The following DAW1 variants were observed in gnomAD, a reference collection of about 807,000 sequenced individuals.
DAW1 encodes the protein dynein assembly factor with WD repeats 1, also known as dynein assembly factor with WD repeat domains 1.
Under a neutral mutation model 56.5 loss-of-function variants are expected in DAW1, and 47 were observed. The observed-to-expected ratio is 0.83, with a 90% CI of 0.66 to 1.06. The LOEUF (loss-of-function observed/expected upper bound fraction) is 1.06. DAW1 is among the 50% of genes least tolerant of loss of function. The pLI, the probability that DAW1 is intolerant of heterozygous loss-of-function variation, is 0.00. For missense variants in DAW1, 505 were observed against 499.3 expected (o/e 1.01, Z -0.11); for synonymous variants, 190 against 179.0 (o/e 1.06, Z -0.49).
At chr2:227,876,862 A>G (rs1384490005) in intron 1 of DAW1, among the ~76,000 whole-genome samples, 1 of 152,210 alleles carries the variant, frequency 6.6e-6, no homozygotes. Flanking sequence ...CAATTTTTGT[A>G]TTTCATTTAT....
chr2:227,875,073 C>G (rs1366791087), intron 1 of DAW1, among the ~76,000 whole-genome samples: 1 of 152,218 alleles, frequency 6.6e-6, no homozygotes, highest in Non-Finnish European at 1.5e-5. Flanking sequence ...CACCGTACAT[C>G]TCATGTGGGG....
At chr2:227,872,132 C>A (rs1470103388) in intron 1 of DAW1, 2 of 172,282 alleles carry the variant, frequency 1.2e-5, no homozygotes, top group Non-Finnish European at 2.4e-5. Context: ...CTAATCCTTG[C>A]CTAACTCTAA....
chr2:227,902,238 C>T (rs1346527202), intron 6 of DAW1, among the ~76,000 whole-genome samples: 3 of 152,134 alleles, frequency 2.0e-5, no homozygotes, highest in Non-Finnish European at 4.4e-5. Flanking sequence ...GGCAGGGAAG[C>T]AGGTGGTTGG....
intron 1 of DAW1, among the ~76,000 whole-genome samples, chr2:227,877,555 G>A (rs551617482): frequency 8.9e-4 from 135 of 152,232 alleles, no homozygotes; most frequent in Non-Finnish European, 1.7e-3. Flanking sequence ...CTAGATCAAT[G>A]TTACACAACC....
At position 227,903,087 on chromosome 2, in the gene DAW1, G is replaced by A; in HGVS notation, c.626G>A (p.Gly209Asp). ...GCCAAATTGTGGGACATTCAGAATG[G>A]CGAGGAAGTTTACACCTTAAGAGTA... ...TTAKLWDIQNGEEVYTLRGHS... is the reference protein window; with the variant it reads ...TTAKLWDIQNDEEVYTLRGHS... Residue 209 changes from glycine (G) to aspartate (D), a missense_variant, in exon 7 of 13, where the codon GGC (glycine) becomes GAC (aspartate). Gly to Asp is a moderately conservative substitution (Grantham distance 94). Transcript: ENST00000309931. The A allele has an allele frequency of 6.2e-7, 1 of 1,614,170 alleles. No individual in the cohort carries two copies.
At chr2:227,918,346 T>C (rs1692023640) in intron 10 of DAW1, among the ~76,000 whole-genome samples, 1 of 152,230 alleles carries the variant, frequency 6.6e-6, no homozygotes, top group African/African-American at 2.4e-5. Flanking sequence ...GTTTTTTGCC[T>C]GTTGAGTAGC....
At chr2:227,923,850 C>A in intron 12 of DAW1, 84 bp from the exon 13 acceptor site, 1 of 1,532,442 alleles carries the variant, frequency 6.5e-7, no homozygotes, top group Non-Finnish European at 8.9e-7. Flanking sequence ...TTACCAATGG[C>A]CCAGAAAATG....
chr2:227,891,219 T>C, intron 3 of DAW1, 36 bp from the exon 4 acceptor site: 1 of 1,589,478 alleles, frequency 6.3e-7, no homozygotes, highest in Non-Finnish European at 8.6e-7. Flanking sequence ...TTTAATTTGG[T>C]TTGAGTCTAA....
intron 5 of DAW1, among the ~76,000 whole-genome samples, chr2:227,896,719 A>G (rs1281020249): frequency 1.3e-5 from 2 of 152,036 alleles, no homozygotes; most frequent in African/African-American, 4.8e-5. Context: ...CTTTGACTCA[A>G]TAAAGTAATT....
intron 2 of DAW1, 97 bp from the exon 3 acceptor site, chr2:227,889,759 G>T: frequency 2.0e-6 from 2 of 1,008,956 alleles, no homozygotes; most frequent in Non-Finnish European, 2.7e-6. Context: ...TTTTATAAAT[G>T]TGCTTCATGA....
intron 1 of DAW1, among the ~76,000 whole-genome samples, chr2:227,877,720 A>G (rs1278987421): frequency 6.6e-6 from 1 of 152,160 alleles, no homozygotes; most frequent in African/African-American, 2.4e-5. Flanking sequence ...ACAGTTCACC[A>G]TAGGGTTCCT....
At position 227,891,300 on chromosome 2, in the gene DAW1, A is replaced by G. The variant is rs771799135; in HGVS notation, c.304A>G (p.Lys102Glu). The change falls in exon 4 of 13, where the codon AAA (lysine) becomes GAA (glutamate). Residue 102 changes from lysine (K) to glutamate (E), a missense_variant. Transcript: ENST00000309931. ...GCCACTGACTAATGTTGCACTTAAC[A>G]AATCGGGCTCATGGTAAGATTCTCT... is the stretch of plus-strand genomic sequence containing the variant. The part of the protein sequence containing the change: ...ILPLTNVALN[K>E]SGSCFITGSY... 4 of 1,613,502 alleles carry G rather than the reference A, an allele frequency of 2.5e-6. No individual in the cohort carries two copies. In the South Asian group the frequency reaches 4.4e-5, roughly 18 times the overall value.
At chr2:227,900,578 G>A (rs943772061) in intron 6 of DAW1, among the ~76,000 whole-genome samples, 7 of 152,180 alleles carry the variant, frequency 4.6e-5, no homozygotes, top group African/African-American at 1.7e-4. Context: ...AAGGAAAGGT[G>A]TTCAGGAAAG....
intron 10 of DAW1, among the ~76,000 whole-genome samples, chr2:227,908,952 A>G (rs1030392889): frequency 5.3e-5 from 8 of 152,164 alleles, no homozygotes; most frequent in Non-Finnish European, 7.4e-5. Flanking sequence ...AGCTACACCA[A>G]GTCTGTTATC....
At chr2:227,909,971 G>A (rs987327038) in intron 10 of DAW1, among the ~76,000 whole-genome samples, 1 of 152,118 alleles carries the variant, frequency 6.6e-6, no homozygotes, top group African/African-American at 2.4e-5. Flanking sequence ...CGCACTGTGT[G>A]TGTATATCCT....
intron 10 of DAW1, among the ~76,000 whole-genome samples, chr2:227,911,257 C>A (rs1305284632): frequency 4.4e-5 from 6 of 135,836 alleles, no homozygotes; most frequent in East Asian, 4.3e-4. Flanking sequence ...CATATATACA[C>A]GTGTATATAC....
At chr2:227,890,067 CT>C (rs1296324180) in intron 3 of DAW1, 67 bp downstream of exon 3, 1 of 1,413,392 alleles carries the variant, frequency 7.1e-7, no homozygotes, top group African/African-American at 1.5e-5. Flanking sequence ...ATTAATTTTT[CT>C]TTCCCTAAAA....
chr2:227,893,675 C>G (rs926789309), intron 4 of DAW1, 120 bp from the exon 5 acceptor site: 1 of 1,354,896 alleles, frequency 7.4e-7, no homozygotes, highest in East Asian at 2.6e-5. Context: ...CCCTCTTAAA[C>G]AAACAAACAA....
At chr2:227,896,911 C>T (rs757633216) in intron 5 of DAW1, among the ~76,000 whole-genome samples, 10 of 151,440 alleles carry the variant, frequency 6.6e-5, no homozygotes, top group Non-Finnish European at 1.5e-4. Context: ...AGTGAGACCT[C>T]ATCTCTACAA....
Sources: gnomAD v4.1 joint callset for allele counts (sites outside exome capture counted in the v4.1 genomes callset) on GRCh38, gnomAD v4.1.1 for gene constraint, MANE v1.5 for transcripts, NCBI Gene and HGNC (gene_info 2026-07-23, HGNC 2026-07-21) for gene names.